HNRNPA3: variants seen among roughly 807,000 people sequenced by gnomAD.
HNRNPA3 encodes epididymis secretory sperm binding protein.
A neutral mutation model predicts 45.8 loss-of-function variants in HNRNPA3; 3 were observed. The observed-to-expected ratio is 0.07, with a 90% CI of 0.03 to 0.17. The LOEUF (loss-of-function observed/expected upper bound fraction) is 0.17. HNRNPA3 is among the 10% of genes least tolerant of loss of function. The pLI, the probability that HNRNPA3 is intolerant of heterozygous loss-of-function variation, is 1.00. For missense variants in HNRNPA3, 183 were observed against 480.3 expected, an observed-to-expected ratio of 0.38 and a Z score of 5.79; for synonymous variants, 170 against 155.6, an observed-to-expected ratio of 1.09 and a Z score of -0.69.
chr2:177,216,450 C>T lies in HNRNPA3; in HGVS notation c.554-53C>T, dbSNP rs545602104. On this transcript the variant is annotated intron_variant, in intron 4 of 10. Transcript: ENST00000392524. ...TGACAGAGGGTATCTCATATATGTG[C>T]TTTTCCAAACATAAAATAACTTTTT... is the stretch of plus-strand genomic sequence containing the variant. The T allele has an allele frequency of 1.8e-5, 24 of 1,359,828 alleles. No homozygotes were observed. The African/African-American group carries it at 2.7e-4, about 15-fold the overall frequency. 84.2% of individuals were successfully genotyped at this position (1,359,828 alleles called of 1,614,324 possible). A position where few individuals can be genotyped will look rare whatever the true frequency, so the allele number is the denominator to read the frequency against.
exon 9 of HNRNPA3, chr2:177,219,048 G>A (rs1222075211): frequency 6.2e-7 from 1 of 1,613,570 alleles, no homozygotes; most frequent in East Asian, 2.2e-5. Context: ...TAACTATGGT[G>A]GTGGTGGGAA....
chr2:177,216,964 G>C, intron 7 of HNRNPA3, 24 bp downstream of exon 7: 1 of 1,465,990 alleles, frequency 6.8e-7, no homozygotes, highest in Non-Finnish European at 9.1e-7. Context: ...TTTCATTGAT[G>C]TTTGATATTT....
At chr2:177,221,916 A>C (rs547760568), downstream of HNRNPA3, 1 of 152,674 alleles carries the variant, frequency 6.5e-6, no homozygotes, top group African/African-American at 2.4e-5. Context: ...TCAATGAGAG[A>C]TAGTTGCCAC....
At chr2:177,214,024 A>G (rs538712270) in intron 1 of HNRNPA3, among the ~76,000 whole-genome samples, 2 of 152,358 alleles carry the variant, frequency 1.3e-5, no homozygotes, top group South Asian at 2.1e-4. Context: ...ACGGTTTAAC[A>G]TCTCTACCTC....
chr2:177,218,980 A>G, intron 8 of HNRNPA3, 57 bp from the exon 9 acceptor site: 4 of 1,597,192 alleles, frequency 2.5e-6, no homozygotes, highest in Non-Finnish European at 3.4e-6. Flanking sequence ...ACATACGTTA[A>G]AAGGGGAAAA....
intron 8 of HNRNPA3, among the ~76,000 whole-genome samples, chr2:177,218,693 G>T (rs1219844406): frequency 1.3e-5 from 2 of 152,144 alleles, no homozygotes; most frequent in African/African-American, 2.4e-5. Context: ...TGTTTTATTG[G>T]ACCTAATTAA....
chr2:177,212,806 G>A, exon 1 of HNRNPA3: 8 of 1,565,252 alleles, frequency 5.1e-6, no homozygotes, highest in Non-Finnish European at 6.9e-6. Flanking sequence ...CAAAATGGAG[G>A]TAAAACCGCC....
exon 8 of HNRNPA3, chr2:177,217,735 G>A: frequency 6.2e-7 from 1 of 1,613,022 alleles, no homozygotes; most frequent in Non-Finnish European, 8.5e-7. Context: ...CCTGGTTATA[G>A]TAGTAGAGGG....
chr2:177,218,935 A>C (rs1689075993), intron 8 of HNRNPA3, 102 bp from the exon 9 acceptor site: 10 of 1,413,010 alleles, frequency 7.1e-6, no homozygotes, highest in Non-Finnish European at 9.7e-6. Context: ...TGATGTGTAT[A>C]AGCATGCTAC....
intron 8 of HNRNPA3, 64 bp downstream of exon 8, chr2:177,217,909 C>G: frequency 7.2e-7 from 1 of 1,390,196 alleles, no homozygotes; most frequent in Non-Finnish European, 9.7e-7. Context: ...TCCCATGACA[C>G]ATATTTGGAA....
At position 177,216,663 on chromosome 2, in the gene HNRNPA3, G is replaced by C. The variant is rs777057554; in HGVS notation, c.644-13G>C. 1 of 1,614,018 alleles carries C rather than the reference G, an allele frequency of 6.2e-7. No individual in the cohort carries two copies. Among genetic ancestry groups the C allele is most frequent in the South Asian group, 1.1e-5 (1 of 91,084 alleles). ...TGTAAGGTTCTTAAAAATCTCCCTT[G>C]CCTGTATTAAAGGTCGTGGAGGTGG... On this transcript the variant is annotated splice_polypyrimidine_tract_variant and intron_variant, in intron 5 of 10. Transcript: ENST00000392524.
chr2:177,216,983 T>C, intron 7 of HNRNPA3, 43 bp downstream of exon 7: 1 of 1,428,000 alleles, frequency 7.0e-7, no homozygotes, highest in South Asian at 1.4e-5. Context: ...TTTAACTTTC[T>C]TTACTTATTG....
chr2:177,219,850 C>T (rs1273293592), exon 11 of HNRNPA3: 1 of 152,546 alleles, frequency 6.6e-6, no homozygotes, highest in Non-Finnish European at 1.5e-5. Context: ...AAGGTGTTTC[C>T]TTGTGAGTTA....
chr2:177,217,449 A>T (rs1688990710), intron 7 of HNRNPA3, among the ~76,000 whole-genome samples: 1 of 152,216 alleles, frequency 6.6e-6, no homozygotes, highest in South Asian at 2.1e-4. Flanking sequence ...AGTCTGAGCA[A>T]CATAAGGAGA....
chr2:177,216,845 C>T lies in HNRNPA3; in HGVS notation c.740-15C>T. 4 of 1,612,360 alleles carry T rather than the reference C, an allele frequency of 2.5e-6. No individual in the cohort carries two copies. The highest frequency in any genetic ancestry group is 1.1e-5 in the South Asian group (1 of 90,572). ...TTGAATATATTATTTTAATTCATTT[C>T]TTGTTTTTCCTCAGGAGGCTATGGT... On this transcript the variant is annotated splice_polypyrimidine_tract_variant and intron_variant, in intron 6 of 10. Transcript: ENST00000392524.
chr2:177,213,606 T>G (rs1047402217), intron 1 of HNRNPA3, among the ~76,000 whole-genome samples: 1 of 152,260 alleles, frequency 6.6e-6, no homozygotes, highest in African/African-American at 2.4e-5. Flanking sequence ...TTACACTTCT[T>G]AAACCGCCAT....
chr2:177,213,048 T>A (rs1451507365), intron 1 of HNRNPA3, among the ~76,000 whole-genome samples, 177 bp downstream of exon 1: 2 of 152,034 alleles, frequency 1.3e-5, no homozygotes, highest in Admixed American at 1.3e-4. Flanking sequence ...CTCGCCCGCC[T>A]CGCCTTCACC....
chr2:177,217,285 A>G (rs1303957451), intron 7 of HNRNPA3, among the ~76,000 whole-genome samples: 12 of 151,898 alleles, frequency 7.9e-5, no homozygotes, highest in Non-Finnish European at 1.5e-4. Context: ...TTGATACTCT[A>G]TTATTATTAG....
At chr2:177,217,097 C>T (rs1369366214) in intron 7 of HNRNPA3, among the ~76,000 whole-genome samples, 157 bp downstream of exon 7, 1 of 151,988 alleles carries the variant, frequency 6.6e-6, no homozygotes, top group African/African-American at 2.4e-5. Context: ...CCCTTTTTCC[C>T]CTGGAGAGAC....
Sources: gnomAD v4.1 joint callset for allele counts (sites outside exome capture counted in the v4.1 genomes callset) on GRCh38, gnomAD v4.1.1 for gene constraint, MANE v1.5 for transcripts, NCBI Gene and HGNC (gene_info 2026-07-23, HGNC 2026-07-21) for gene names.